The following RUNDC3B variants were observed in gnomAD, a reference collection of about 807,000 sequenced individuals.
RUNDC3B encodes RUN domain containing 3B.
In RUNDC3B, 33 loss-of-function variants were observed where a neutral mutation model predicts 58.4. The observed-to-expected ratio is 0.56, with a 90% CI of 0.43 to 0.75. The LOEUF (loss-of-function observed/expected upper bound fraction) is 0.75. Among genes scored for constraint, RUNDC3B ranks in the 30% least tolerant of loss-of-function variants. The probability of loss-of-function intolerance (pLI) is 0.00; values close to 1 mark genes in which losing one functional copy is unlikely to be tolerated. For synonymous variants in RUNDC3B, 193 were observed against 195.2 expected, an observed-to-expected ratio of 0.99 and a Z score of 0.10; for missense variants, 501 against 535.7, an observed-to-expected ratio of 0.94 and a Z score of 0.64.
chr7:87,756,991 G>T (rs1380960034), intron 6 of RUNDC3B, among the ~76,000 whole-genome samples: 3 of 151,884 alleles, frequency 2.0e-5, no homozygotes, highest in Non-Finnish European at 4.4e-5. Flanking sequence ...TATTATTATT[G>T]TGAAGTACAA....
intron 4 of RUNDC3B, chr7:87,713,227 G>T (rs1830249469): frequency 6.6e-6 from 1 of 152,122 alleles, no homozygotes; most frequent in South Asian, 2.1e-4. Context: ...TAATCTTTAG[G>T]AATCTGGAGA....
chr7:87,808,550 TTTC>T (rs1248038966), intron 9 of RUNDC3B, among the ~76,000 whole-genome samples: 1 of 152,144 alleles, frequency 6.6e-6, no homozygotes, highest in Non-Finnish European at 1.5e-5. Context: ...TTCAATGCTT[TTTC>T]TTGTTTCATT....
chr7:87,693,733 A>C (rs956697837), intron 2 of RUNDC3B, among the ~76,000 whole-genome samples: 4 of 152,194 alleles, frequency 2.6e-5, no homozygotes, highest in Non-Finnish European at 5.9e-5. Flanking sequence ...TTTACTTACC[A>C]AGTGTAGCTC....
At chr7:87,818,389 G>A (rs566840822) in intron 10 of RUNDC3B, among the ~76,000 whole-genome samples, 2 of 152,166 alleles carry the variant, frequency 1.3e-5, no homozygotes, top group East Asian at 3.9e-4. Flanking sequence ...CAAGAAAGGA[G>A]GCTGCATGAT....
At chr7:87,816,338 A>G in intron 10 of RUNDC3B, 76 bp downstream of exon 10, 1 of 1,096,976 alleles carries the variant, frequency 9.1e-7, no homozygotes, top group Non-Finnish European at 1.3e-6. Context: ...TGATTGCCAG[A>G]GAATAATAGT....
At chr7:87,825,595 C>T (rs1837760804) in intron 10 of RUNDC3B, among the ~76,000 whole-genome samples, 1 of 152,244 alleles carries the variant, frequency 6.6e-6, no homozygotes, top group Admixed American at 6.5e-5. Context: ...AAAAGGACCA[C>T]TGTCCTCCAG....
intron 6 of RUNDC3B, among the ~76,000 whole-genome samples, chr7:87,744,887 T>G (rs1258832609): frequency 6.6e-6 from 1 of 152,056 alleles, no homozygotes; most frequent in Non-Finnish European, 1.5e-5. Context: ...ATCTTTGTCC[T>G]GTTCCAGTTC....
intron 7 of RUNDC3B, among the ~76,000 whole-genome samples, chr7:87,772,909 G>C (rs1834359216): frequency 6.6e-6 from 1 of 151,880 alleles, no homozygotes; most frequent in Non-Finnish European, 1.5e-5. Flanking sequence ...GTTGAAACTA[G>C]GGGGATAAAT....
intron 10 of RUNDC3B, among the ~76,000 whole-genome samples, chr7:87,819,133 A>G (rs1837255589): frequency 6.6e-6 from 1 of 152,160 alleles, no homozygotes; most frequent in East Asian, 1.9e-4. Flanking sequence ...TGAGTCCTGT[A>G]AACAGTTGTG....
Position 87,827,305 on chromosome 7 carries a change from T to C in RUNDC3B, c.1226-2580T>C, listed in dbSNP as rs1452974351. 5.3e-5 allele frequency among the ~76,000 whole-genome samples: 8 copies of C among 152,024 alleles called. No individual in the cohort carries two copies. In the East Asian group the frequency reaches 1.5e-3, roughly 29 times the overall value. On this transcript the variant is annotated intron_variant, in intron 10 of 10. Coordinates refer to ENST00000394654, the MANE Select transcript of RUNDC3B (RefSeq NM_001134405.2). ...GAGTTCGAGACCAGCCTGACCAACA[T>C]GGTGAAACACTGTCTCTATTAAAAA...
At chr7:87,760,047 G>A (rs1833589037) in intron 6 of RUNDC3B, among the ~76,000 whole-genome samples, 1 of 151,126 alleles carries the variant, frequency 6.6e-6, no homozygotes, top group Non-Finnish European at 1.5e-5. Flanking sequence ...TTTATAGTTG[G>A]GTTTTGTTCT....
rs564324360 is a variant in RUNDC3B at position 87,658,807 on chromosome 7, A to G, written c.238+7870A>G. On this transcript the variant is annotated intron_variant, in intron 2 of 10. Transcript: ENST00000394654. ...GAAACATTAAGACCTTCTCACAGGA[A>G]AGACAACTAAGGAAATGTGTTGCCG... is the stretch of plus-strand genomic sequence containing the variant. Among the ~76,000 whole-genome samples, 19 of 152,314 alleles carry G rather than the reference A, an allele frequency of 1.2e-4. No individual in the cohort carries two copies. The South Asian group carries it at 1.7e-3, about 13-fold the overall frequency.
intron 4 of RUNDC3B, among the ~76,000 whole-genome samples, chr7:87,736,717 C>T (rs1831954106): frequency 6.7e-6 from 1 of 148,854 alleles, no homozygotes; most frequent in Non-Finnish European, 1.5e-5. Context: ...TACTTTGGTA[C>T]TTTCAACATT....
intron 8 of RUNDC3B, among the ~76,000 whole-genome samples, chr7:87,792,771 TA>T (rs1232316095): frequency 6.6e-6 from 1 of 151,638 alleles, no homozygotes; most frequent in Non-Finnish European, 1.5e-5. Flanking sequence ...AAACTTCAAA[TA>T]AATAACCTAA....
intron 2 of RUNDC3B, among the ~76,000 whole-genome samples, chr7:87,691,138 T>C (rs1413834931): frequency 1.3e-5 from 2 of 152,118 alleles, no homozygotes; most frequent in African/African-American, 4.8e-5. Context: ...AGAAACATAT[T>C]CAGTCTTATC....
intron 6 of RUNDC3B, among the ~76,000 whole-genome samples, chr7:87,760,765 G>A (rs1279086339): frequency 1.3e-5 from 2 of 152,000 alleles, no homozygotes; most frequent in African/African-American, 4.8e-5. Context: ...TGGGACAACT[G>A]ACTATCCACA....
At chr7:87,818,191 A>T (rs1584277585) in intron 10 of RUNDC3B, among the ~76,000 whole-genome samples, 2 of 152,258 alleles carry the variant, frequency 1.3e-5, no homozygotes, top group East Asian at 3.9e-4. Flanking sequence ...TCTAATTTTT[A>T]ATTATAGGTA....
intron 4 of RUNDC3B, among the ~76,000 whole-genome samples, chr7:87,733,461 A>G (rs574314873): frequency 1.8e-4 from 27 of 152,364 alleles, no homozygotes; most frequent in South Asian, 1.4e-3. Context: ...TAAATTGAAC[A>G]TAATAAAAAT....
chr7:87,675,614 C>A, intron 2 of RUNDC3B, among the ~76,000 whole-genome samples: 1 of 125,802 alleles, frequency 7.9e-6, no homozygotes, highest in Non-Finnish European at 1.6e-5. Flanking sequence ...AGGATAATCT[C>A]TTCAGTAAAT....
Sources: gnomAD v4.1 joint callset for allele counts (sites outside exome capture counted in the v4.1 genomes callset) on GRCh38, gnomAD v4.1.1 for gene constraint, MANE v1.5 for transcripts, NCBI Gene and HGNC (gene_info 2026-07-23, HGNC 2026-07-21) for gene names.